The following SBNO2 variants were observed in gnomAD, a reference collection of about 807,000 sequenced individuals.
SBNO2 encodes protein strawberry notch homolog 2.
SBNO2 carries 89 observed loss-of-function variants against 146.3 expected under a neutral mutation model. That is an observed-to-expected ratio of 0.61 (90% CI 0.51 to 0.73). The LOEUF is 0.73. SBNO2 is among the 30% of genes least tolerant of loss of function. The pLI, the probability that SBNO2 is intolerant of heterozygous loss-of-function variation, is 0.00. For missense variants in SBNO2, 2,092 were observed against 2,003.7 expected (o/e 1.04, Z -0.84); for synonymous variants, 1,147 against 892.6 (o/e 1.29, Z -5.08).
Position 1,116,007 on chromosome 19 carries a change from G to C in SBNO2, c.1885+14C>G. 2 of 1,603,838 alleles carry C rather than the reference G, an allele frequency of 1.2e-6. No individual in the cohort carries two copies. Among genetic ancestry groups the C allele is most frequent in the Non-Finnish European group, 1.7e-6 (2 of 1,176,572 alleles). On this transcript the variant is annotated intron_variant, in intron 17 of 31. Coordinates refer to ENST00000361757, the MANE Select transcript of SBNO2 (RefSeq NM_014963.3). ...GGGGCAGGGGTGGGTGGGGCCATGG[G>C]GGGCAGGGCTTACGTTTCCGCTTGC...
intron 7 of SBNO2, 147 bp downstream of exon 7, chr19:1,123,387 T>C: frequency 1.5e-6 from 1 of 689,584 alleles, no homozygotes; most frequent in Non-Finnish European, 2.5e-6. Context: ...TAAGCCTGGA[T>C]TGTAGAACCT....
At chr19:1,160,400 G>A (rs1463778542) in intron 1 of SBNO2, among the ~76,000 whole-genome samples, 1 of 152,212 alleles carries the variant, frequency 6.6e-6, no homozygotes, top group East Asian at 1.9e-4. Context: ...CTCACAGGAG[G>A]CCCAGTATTA....
At chr19:1,123,730 G>A (rs1256864548) in intron 6 of SBNO2, 91 bp from the exon 7 acceptor site, 26 of 1,311,742 alleles carry the variant, frequency 2.0e-5, no homozygotes, top group Non-Finnish European at 2.3e-5. Flanking sequence ...GGCTGACCAT[G>A]GGCAGCTGAG....
At chr19:1,131,740 G>A (rs560232989) in intron 4 of SBNO2, among the ~76,000 whole-genome samples, 16 of 152,324 alleles carry the variant, frequency 1.1e-4, no homozygotes, top group African/African-American at 3.1e-4. Context: ...AGGGGCAGAA[G>A]GAGGGGGACG....
At chr19:1,120,869 A>G (rs976799616) in intron 11 of SBNO2, among the ~76,000 whole-genome samples, 18 of 151,054 alleles carry the variant, frequency 1.2e-4, no homozygotes, top group African/African-American at 4.4e-4. Flanking sequence ...GGGTTTCACC[A>G]TATTGGTCAA....
chr19:1,166,030 A>AT lies in SBNO2; in HGVS notation c.-127+8141_-127+8142insA, dbSNP rs2080417318. Among the ~76,000 whole-genome samples the AT allele has an allele frequency of 1.6e-5, 2 of 122,936 alleles. 1 individual carries two copies. Among genetic ancestry groups the AT allele is most frequent in the African/African-American group, 5.7e-5 (2 of 35,176 alleles). 80.7% of individuals were successfully genotyped at this position (122,936 alleles called of 152,430 possible). A position where few individuals can be genotyped will look rare whatever the true frequency, so the allele number is the denominator to read the frequency against. ...CTAGATCCCAGACCTCAGACCCCAG[A>AT]CCCCAGACCCCAGATCCCAGATCCC... is the stretch of plus-strand genomic sequence containing the variant. On this transcript the variant is annotated intron_variant, in intron 1 of 31. Coordinates refer to ENST00000361757, the MANE Select transcript of SBNO2 (RefSeq NM_014963.3).
intron 4 of SBNO2, among the ~76,000 whole-genome samples, chr19:1,142,466 G>C (rs998014692): frequency 6.6e-6 from 1 of 152,252 alleles, no homozygotes; most frequent in Non-Finnish European, 1.5e-5. Context: ...GATCGCCTGA[G>C]GTCAGGAGTT....
At chr19:1,146,987 G>T (rs2080196901) in intron 4 of SBNO2, among the ~76,000 whole-genome samples, 1 of 152,178 alleles carries the variant, frequency 6.6e-6, no homozygotes, top group Non-Finnish European at 1.5e-5. Flanking sequence ...GGAGGGCCGT[G>T]GGGGCAAAGG....
intron 2 of SBNO2, among the ~76,000 whole-genome samples, chr19:1,152,267 T>G (rs2080249437): frequency 6.6e-6 from 1 of 152,178 alleles, no homozygotes; most frequent in Admixed American, 6.5e-5. Context: ...TGAAGATGGC[T>G]CCTCTGTCTC....
Position 1,113,677 on chromosome 19 carries a change from G to A in SBNO2, c.2105C>T (p.Pro702Leu), listed in dbSNP as rs761112999. The change falls in exon 19 of 32, where the codon CCG becomes CTG. Residue 702 changes from proline to leucine, a missense_variant. Coordinates refer to ENST00000361757, the MANE Select transcript of SBNO2 (RefSeq NM_014963.3). ...RGPLCLLQRD[P>L]HGPGVLERVE... The stretch of plus-strand genomic sequence containing the variant: ...CCGCTCCAGGACCCCGGGGCCATGC[G>A]GGTCTCTCTGCAGGAGGCACAGGGG... 1.3e-5 allele frequency: 21 copies of A among 1,590,868 alleles called. No individual in the cohort carries two copies. Among genetic ancestry groups the A allele is most frequent in the South Asian group, 5.6e-5 (5 of 88,866 alleles).
intron 1 of SBNO2, among the ~76,000 whole-genome samples, chr19:1,161,668 G>T (rs1316589279): frequency 6.6e-6 from 1 of 151,946 alleles, no homozygotes; most frequent in East Asian, 1.9e-4. Context: ...CACATTTTAG[G>T]AACGGCCACG....
At chr19:1,124,181 A>C in intron 5 of SBNO2, 159 bp from the exon 6 acceptor site, 1 of 710,156 alleles carries the variant, frequency 1.4e-6, no homozygotes, top group South Asian at 1.6e-5. Context: ...TGCTGTTCTC[A>C]GGGTGACCCT....
chr19:1,158,058 A>C lies in SBNO2; in HGVS notation c.-126-3656T>G, dbSNP rs576137927. On this transcript the variant is annotated intron_variant, in intron 1 of 31. Transcript: ENST00000361757. This position sits in a 1 kb window ranked among gnomAD's most constrained non-coding sequence, Gnocchi z 9.9. ...CGTCTCTCTCTCCTGAGTCCGGGTA[A>C]CTGCGGCCGCCTCCCGCCTCTTTCT... Among the ~76,000 whole-genome samples the C allele has an allele frequency of 2.9e-4, 44 of 152,228 alleles. No homozygotes were observed. Among genetic ancestry groups the C allele is most frequent in the African/African-American group, 1.0e-3 (43 of 41,534 alleles).
Position 1,112,195 on chromosome 19 carries a change from C to T in SBNO2, c.2622G>A (p.Glu874=), listed in dbSNP as rs2079771030. ...RFASIVAKRL[E]SLGALTHGDR... is the part of the protein sequence containing the mutation. ...CCCACCCCCACCTGCTCACCAGACT[C>T]TCCAGGCGCTTGGCCACGATGGAGG... Residue 874 remains glutamate, a synonymous_variant, in exon 22 of 32, where the codon GAG becomes GAA. Coordinates refer to ENST00000361757, the MANE Select transcript of SBNO2 (RefSeq NM_014963.3). This position sits in a 1 kb window ranked among gnomAD's most constrained non-coding sequence, Gnocchi z 5.9. The T allele has an allele frequency of 5.0e-6, 8 of 1,586,996 alleles. No individual in the cohort carries two copies. Among genetic ancestry groups the T allele is most frequent in the Non-Finnish European group, 6.9e-6 (8 of 1,166,708 alleles).
intron 1 of SBNO2, among the ~76,000 whole-genome samples, chr19:1,160,024 C>A (rs1034059971): frequency 6.6e-6 from 1 of 152,100 alleles, no homozygotes; most frequent in Non-Finnish European, 1.5e-5. Flanking sequence ...CCTCCGGGTG[C>A]CCCCGCCTGC....
intron 1 of SBNO2, among the ~76,000 whole-genome samples, chr19:1,156,631 T>C (rs900601772): frequency 3.5e-4 from 54 of 152,224 alleles, no homozygotes; most frequent in Middle Eastern, 6.8e-3. Flanking sequence ...GACCAGCATG[T>C]GGCGTGGCCC....
rs138257276 is a variant in SBNO2, at chr19:1,146,708, G to T, written c.279+601C>A. Among the ~76,000 whole-genome samples the T allele has an allele frequency of 5.9e-3, 877 of 149,370 alleles. 4 individuals carry two copies. The highest frequency in any genetic ancestry group is 8.1e-3 in the Non-Finnish European group (545 of 67,184). ...AGCTGGGGCACTGGGAACCCCTTGG[G>T]GAAGGCTGTGAGGGTGGGGGTGGGG... On this transcript the variant is annotated intron_variant, in intron 4 of 31. Coordinates refer to ENST00000361757, the MANE Select transcript of SBNO2 (RefSeq NM_014963.3).
chr19:1,125,464 A>G (rs1031331559), intron 5 of SBNO2, among the ~76,000 whole-genome samples: 1 of 151,276 alleles, frequency 6.6e-6, no homozygotes, highest in African/African-American at 2.4e-5. Context: ...TGAGGTTGGG[A>G]GTTCAAGACC....
intron 5 of SBNO2, among the ~76,000 whole-genome samples, chr19:1,125,406 C>T (rs1421954891): frequency 6.8e-6 from 1 of 148,076 alleles, no homozygotes; most frequent in Non-Finnish European, 1.5e-5. Flanking sequence ...CATGGTGGCT[C>T]ACGCCTGTAA....
Sources: allele counts gnomAD v4.1 joint callset (sites outside exome capture counted in the v4.1 genomes callset), GRCh38; gene constraint gnomAD v4.1.1; non-coding constraint Gnocchi (gnomAD v3.1); transcripts MANE v1.5; gene names NCBI Gene and HGNC (gene_info 2026-07-23, HGNC 2026-07-21).